Variants in DAAM1 observed in about 807,000 individuals in gnomAD.
The protein encoded by DAAM1 is dishevelled associated activator of morphogenesis 1, also known as disheveled-associated activator of morphogenesis 1.
Under a neutral mutation model 130.0 loss-of-function variants are expected in DAAM1, and 52 were observed. That is an observed-to-expected ratio of 0.40 (90% CI 0.32 to 0.50). The LOEUF (loss-of-function observed/expected upper bound fraction) is 0.50, where lower values mean the gene tolerates loss of function less well. DAAM1 is among the 20% of genes least tolerant of loss of function. DAAM1 has a pLI of 0.61. For missense variants in DAAM1, 1,134 were observed against 1,303.8 expected, an observed-to-expected ratio of 0.87 and a Z score of 2.01; for synonymous variants, 452 against 444.5, an observed-to-expected ratio of 1.02 and a Z score of -0.21.
At chr14:59,304,608 T>A (rs1302090979) in intron 3 of DAAM1, among the ~76,000 whole-genome samples, 5 of 152,214 alleles carry the variant, frequency 3.3e-5, no homozygotes, top group African/African-American at 1.2e-4. Context: ...AGCATTTTGT[T>A]TTTTCAGTTT....
chr14:59,262,699 T>A (rs1211524464), intron 1 of DAAM1, among the ~76,000 whole-genome samples: 1 of 144,048 alleles, frequency 6.9e-6, no homozygotes, highest in African/African-American at 2.6e-5. Flanking sequence ...TGTGTGTGTG[T>A]AATTTAACCA....
chr14:59,367,388 T>G, intron 23 of DAAM1, 41 bp from the exon 24 acceptor site: 1 of 1,557,972 alleles, frequency 6.4e-7, no homozygotes, highest in South Asian at 1.2e-5. Flanking sequence ...ATTGTGGAAT[T>G]CTCATGAAAC....
At chr14:59,361,000 C>T in intron 22 of DAAM1, 138 bp downstream of exon 22, 1 of 676,616 alleles carries the variant, frequency 1.5e-6, no homozygotes, top group Non-Finnish European at 2.3e-6. Flanking sequence ...AGAACCACCA[C>T]CACAAGAAGC....
At chr14:59,322,314 C>G (rs975012188) in intron 5 of DAAM1, among the ~76,000 whole-genome samples, 1 of 151,774 alleles carries the variant, frequency 6.6e-6, no homozygotes, top group Non-Finnish European at 1.5e-5. Context: ...AAGTTCAAGA[C>G]CAGTCTGGGC....
chr14:59,229,573 T>C (rs1352739205), intron 1 of DAAM1, among the ~76,000 whole-genome samples: 1 of 152,222 alleles, frequency 6.6e-6, no homozygotes, highest in Non-Finnish European at 1.5e-5. Flanking sequence ...CCTGGCCCTT[T>C]GTGTATTTAT....
intron 3 of DAAM1, among the ~76,000 whole-genome samples, chr14:59,294,431 A>G (rs1010820909): frequency 3.3e-5 from 5 of 152,208 alleles, no homozygotes; most frequent in African/African-American, 1.2e-4. Context: ...GTTAATTGGA[A>G]TTTTGTCTAA....
At chr14:59,218,822 A>C (rs1416645008) in intron 1 of DAAM1, among the ~76,000 whole-genome samples, 1 of 152,132 alleles carries the variant, frequency 6.6e-6, no homozygotes, top group Non-Finnish European at 1.5e-5. Flanking sequence ...CTGAAATTTG[A>C]ATTCACAAGT....
intron 15 of DAAM1, among the ~76,000 whole-genome samples, chr14:59,335,777 C>T (rs1029580933): frequency 2.0e-5 from 3 of 152,046 alleles, no homozygotes; most frequent in African/African-American, 7.2e-5. Flanking sequence ...CTCCAGAATC[C>T]AACCTCTCCT....
intron 16 of DAAM1, among the ~76,000 whole-genome samples, chr14:59,343,163 A>G (rs1885919904): frequency 6.6e-6 from 1 of 152,154 alleles, no homozygotes; most frequent in Non-Finnish European, 1.5e-5. Flanking sequence ...TCAGTGTCCT[A>G]TTTATGTATC....
rs1036498963 is a variant in DAAM1, at chr14:59,280,396, C to G, written c.184-10821C>G. On this transcript the variant is annotated intron_variant, in intron 2 of 24. Coordinates refer to ENST00000360909, the MANE Select transcript of DAAM1 (RefSeq NM_001270520.2). ...GTTACAGTGAGCTATGATCACACCA[C>G]TGCACTCCAGCCTGGATGACAGAGA... Among the ~76,000 whole-genome samples the G allele has an allele frequency of 4.6e-5, 7 of 152,252 alleles. No homozygotes were observed. The Middle Eastern group carries it at 0.017, about 370-fold the overall frequency.
chr14:59,332,883 C>T (rs1447518191), intron 15 of DAAM1, among the ~76,000 whole-genome samples: 4 of 152,060 alleles, frequency 2.6e-5, no homozygotes, highest in East Asian at 1.9e-4. Flanking sequence ...GGGCCTCTTA[C>T]GGGGCTTTCC....
intron 1 of DAAM1, among the ~76,000 whole-genome samples, chr14:59,259,099 A>C (rs951989271): frequency 1.3e-5 from 2 of 152,198 alleles, no homozygotes; most frequent in African/African-American, 4.8e-5. Flanking sequence ...CCAGAATGTA[A>C]TATAACTTGG....
At chr14:59,223,471 C>G (rs1888841018) in intron 1 of DAAM1, among the ~76,000 whole-genome samples, 1 of 152,128 alleles carries the variant, frequency 6.6e-6, no homozygotes, top group Non-Finnish European at 1.5e-5. Flanking sequence ...TGCTGCAATT[C>G]ATTTGTAGGA....
intron 20 of DAAM1, among the ~76,000 whole-genome samples, chr14:59,356,312 AAT>A (rs1886478135): frequency 6.6e-6 from 1 of 152,238 alleles, no homozygotes; most frequent in South Asian, 2.1e-4. Flanking sequence ...AGAAATAAGC[AAT>A]GTGTTAATTT....
In DAAM1 at chr14:59,331,437, G is replaced by T. The variant is rs779426886; in HGVS notation, c.1789G>T (p.Ala597Ser). ...ACCTCCTGGTGCTCCAATGGGCCTA[G>T]CACTGAAGAAGAAAAGCATTCCTCA... ...MPPPGAPMGL[A>S]LKKKSIPQPT... The change falls in exon 14 of 25, where the codon GCA (alanine) becomes TCA (serine). Residue 597 changes from alanine to serine, a missense_variant. By Grantham distance (99) the Ala-to-Ser change is moderately conservative. Coordinates refer to ENST00000360909, the MANE Select transcript of DAAM1 (RefSeq NM_001270520.2). 18 of 1,613,690 alleles carry T rather than the reference G, an allele frequency of 1.1e-5. No homozygotes were observed. In the South Asian group the frequency reaches 2.0e-4, roughly 18 times the overall value.
intron 1 of DAAM1, among the ~76,000 whole-genome samples, chr14:59,254,718 C>T (rs1232324765): frequency 6.6e-6 from 1 of 152,168 alleles, no homozygotes; most frequent in Non-Finnish European, 1.5e-5. Context: ...ACAGCACAAA[C>T]TTCCTAACTC....
At chr14:59,250,986 T>C (rs1428326660) in intron 1 of DAAM1, among the ~76,000 whole-genome samples, 2 of 152,212 alleles carry the variant, frequency 1.3e-5, no homozygotes, top group African/African-American at 2.4e-5. Flanking sequence ...GCACTATTTC[T>C]CAAACTTTGC....
chr14:59,309,688 G>C (rs973285190), intron 3 of DAAM1, among the ~76,000 whole-genome samples: 1 of 152,176 alleles, frequency 6.6e-6, no homozygotes, highest in African/African-American at 2.4e-5. Context: ...AATATTTCCT[G>C]TCTGGCTCCT....
chr14:59,282,434 G>C (rs144117958), intron 2 of DAAM1, among the ~76,000 whole-genome samples: 3 of 152,140 alleles, frequency 2.0e-5, no homozygotes, highest in Non-Finnish European at 4.4e-5. Context: ...TTGAAGTTCA[G>C]AGGCTGAGTC....
Sources: gnomAD v4.1 joint callset for allele counts (sites outside exome capture counted in the v4.1 genomes callset) on GRCh38, gnomAD v4.1.1 for gene constraint, MANE v1.5 for transcripts, NCBI Gene and HGNC (gene_info 2026-07-23, HGNC 2026-07-21) for gene names.